SNX29: variants seen among roughly 807,000 people sequenced by gnomAD.
The protein encoded by SNX29 is sorting nexin-29.
A neutral mutation model predicts 102.1 loss-of-function variants in SNX29; 78 were observed. That is an observed-to-expected ratio of 0.76 (90% CI 0.64 to 0.92). The LOEUF is 0.92. SNX29 is among the 40% of genes least tolerant of loss of function. The pLI, the probability that SNX29 is intolerant of heterozygous loss-of-function variation, is 0.00. For missense variants in SNX29, 1,280 were observed against 1,061.7 expected (o/e 1.21, Z -2.86); for synonymous variants, 580 against 414.5 (o/e 1.40, Z -4.85).
intron 20 of SNX29, chr16:12,560,758 T>G (rs2078680839): frequency 1.2e-5 from 2 of 172,984 alleles, no homozygotes; most frequent in East Asian, 2.1e-4. Context: ...TGATTAGCCA[T>G]AGGATTTACC....
chr16:12,170,878 T>G (rs2076134436), intron 13 of SNX29, among the ~76,000 whole-genome samples: 2 of 151,618 alleles, frequency 1.3e-5, no homozygotes, highest in African/African-American at 4.8e-5. Flanking sequence ...GCGTGCTGTT[T>G]ACAGGGCCTC....
chr16:12,040,836 T>C (rs2049852185), intron 4 of SNX29, among the ~76,000 whole-genome samples: 1 of 152,228 alleles, frequency 6.6e-6, no homozygotes, highest in South Asian at 2.1e-4. Flanking sequence ...GATGTGGTTT[T>C]ATTTATTTAT....
Position 12,424,954 on chromosome 16 carries a change from GATAA to G in SNX29, c.2037+21432_2037+21435del, listed in dbSNP as rs140686198. The stretch of plus-strand genomic sequence containing the variant: ...TAACATGCCCGTCCATAGACAAATG[GATAA>G]ATAAATTGGGGTACATTCACACAGT... On this transcript the variant is annotated intron_variant, in intron 18 of 20. Transcript: ENST00000566228. Among the ~76,000 whole-genome samples the G allele has an allele frequency of 3.6e-3, 543 of 152,338 alleles. 4 individuals carry two copies. The highest frequency in any genetic ancestry group is 0.012 in the African/African-American group (511 of 41,576).
intron 4 of SNX29, among the ~76,000 whole-genome samples, chr16:12,029,983 C>T (rs1469114389): frequency 6.6e-6 from 1 of 152,134 alleles, no homozygotes; most frequent in Admixed American, 6.5e-5. Context: ...TCAGAATATA[C>T]CAGAGACACA....
intron 13 of SNX29, among the ~76,000 whole-genome samples, chr16:12,161,796 G>T (rs951058383): frequency 3.4e-5 from 5 of 147,846 alleles, no homozygotes; most frequent in Non-Finnish European, 6.0e-5. Flanking sequence ...CCTGTGGCAC[G>T]CCAGTTCCCT....
Position 12,096,826 on chromosome 16 carries a change from A to G in SNX29, c.1402+17911A>G, listed in dbSNP as rs1333898356. On this transcript the variant is annotated intron_variant, in intron 11 of 20. Transcript: ENST00000566228. The surrounding 1 kb of genome is among the most constrained non-coding windows in gnomAD (Gnocchi z 4.2). ...AAAAGACCAGTGCTGGATGCTGGTC[A>G]CTCATATAGACCCTGGATTCCTTGC... Among the ~76,000 whole-genome samples the G allele has an allele frequency of 6.6e-6, 1 of 152,210 alleles. No homozygotes were observed. The highest frequency in any genetic ancestry group is 1.5e-5 in the Non-Finnish European group (1 of 68,036).
In SNX29 at chr16:12,129,773, G is replaced by A. The variant is rs2054374948; in HGVS notation, c.1595+15G>A. ...GCGCTGGCCAGGTAGGAGAGGGTGA[G>A]GGATGGAGAGGTAAGCACGTGGGGG... On this transcript the variant is annotated intron_variant, in intron 13 of 20. Transcript: ENST00000566228. 1 of 1,595,902 alleles carries A rather than the reference G, an allele frequency of 6.3e-7. No individual in the cohort carries two copies. The highest frequency in any genetic ancestry group is 1.3e-5 in the African/African-American group (1 of 74,590).
chr16:11,994,982 C>T (rs2056003051), intron 1 of SNX29, among the ~76,000 whole-genome samples: 1 of 152,170 alleles, frequency 6.6e-6, no homozygotes, highest in East Asian at 1.9e-4. Flanking sequence ...TGTGACTTCC[C>T]GTTCAGTGCT....
chr16:12,544,997 A>C (rs975916494), intron 20 of SNX29, among the ~76,000 whole-genome samples: 1 of 152,210 alleles, frequency 6.6e-6, no homozygotes, highest in African/African-American at 2.4e-5. Context: ...CCTAGGTGGC[A>C]CAGCTAGGAA....
intron 1 of SNX29, among the ~76,000 whole-genome samples, chr16:11,982,142 T>G (rs2055431644): frequency 6.6e-6 from 1 of 152,110 alleles, no homozygotes. Context: ...CATATATGTA[T>G]GTAGACCTAA....
intron 15 of SNX29, among the ~76,000 whole-genome samples, chr16:12,324,144 C>T (rs1007190274): frequency 6.6e-6 from 1 of 151,908 alleles, no homozygotes; most frequent in African/African-American, 2.4e-5. Flanking sequence ...GGGACCTGTT[C>T]TAGGCATTTT....
At chr16:12,056,675 C>T (rs1329021727) in intron 8 of SNX29, among the ~76,000 whole-genome samples, 1 of 152,100 alleles carries the variant, frequency 6.6e-6, no homozygotes, top group East Asian at 1.9e-4. Flanking sequence ...GGTCATTAAC[C>T]CATTCTTTGA....
At chr16:12,277,523 C>A (rs2079291407) in intron 14 of SNX29, among the ~76,000 whole-genome samples, 1 of 152,316 alleles carries the variant, frequency 6.6e-6, no homozygotes, top group Non-Finnish European at 1.5e-5. Context: ...TATTTCTTGA[C>A]TCCTGTGCTT....
At chr16:12,106,698 C>T (rs1398707757) in intron 11 of SNX29, among the ~76,000 whole-genome samples, 2 of 149,920 alleles carry the variant, frequency 1.3e-5, no homozygotes, top group African/African-American at 4.9e-5. Flanking sequence ...CTAGGCTTAT[C>T]TATGACTCCT....
intron 20 of SNX29, chr16:12,526,458 C>A: frequency 2.2e-6 from 1 of 464,288 alleles, no homozygotes; most frequent in Non-Finnish European, 4.2e-6. Context: ...TAGTATCCTG[C>A]TGCCTGTGAT....
chr16:12,041,767 T>C (rs1260633487), intron 4 of SNX29, among the ~76,000 whole-genome samples: 2 of 152,334 alleles, frequency 1.3e-5, no homozygotes, highest in Non-Finnish European at 2.9e-5. Flanking sequence ...CAAGATAACC[T>C]CCCAATTTCC....
intron 13 of SNX29, among the ~76,000 whole-genome samples, chr16:12,152,080 G>A (rs2141593810): frequency 6.6e-6 from 1 of 152,278 alleles, no homozygotes; most frequent in South Asian, 2.1e-4. Flanking sequence ...AATTAGCTAG[G>A]TGTGGTGGTA....
chr16:12,177,159 G>T (rs1475527124), intron 13 of SNX29, among the ~76,000 whole-genome samples: 1 of 152,050 alleles, frequency 6.6e-6, no homozygotes, highest in Non-Finnish European at 1.5e-5. Context: ...TGTTTTCTGG[G>T]CTGGTCTTGA....
chr16:12,128,741 C>T (rs1596993208), intron 12 of SNX29, among the ~76,000 whole-genome samples: 1 of 152,292 alleles, frequency 6.6e-6, no homozygotes, highest in East Asian at 1.9e-4. Context: ...CGTGAGCCAC[C>T]CTGCCCGGCC....
Sources: allele counts gnomAD v4.1 joint callset (sites outside exome capture counted in the v4.1 genomes callset), GRCh38; gene constraint gnomAD v4.1.1; non-coding constraint Gnocchi (gnomAD v3.1); transcripts MANE v1.5; gene names NCBI Gene and HGNC (gene_info 2026-07-23, HGNC 2026-07-21).